The following AKAP3 variants were observed in gnomAD, a reference collection of about 807,000 sequenced individuals.
AKAP3 encodes the protein A-kinase anchor protein 3.
Under a neutral mutation model 57.2 loss-of-function variants are expected in AKAP3, and 27 were observed. The ratio of observed to expected loss-of-function variants is 0.47; its 90% confidence interval spans 0.35 to 0.65. The LOEUF (loss-of-function observed/expected upper bound fraction) is 0.65, where lower values mean the gene tolerates loss of function less well. Among genes scored for constraint, AKAP3 ranks in the 30% least tolerant of loss-of-function variants. The pLI is 0.01. For synonymous variants in AKAP3, 334 were observed against 392.3 expected (o/e 0.85, Z 1.76); for missense variants, 959 against 1,040.0 (o/e 0.92, Z 1.07).
At chr12:4,645,458 C>G (rs577112203) in intron 1 of AKAP3, 49 of 152,154 alleles carry the variant, frequency 3.2e-4, no homozygotes, top group African/African-American at 1.1e-3. Context: ...AGTATGGTTT[C>G]TGGATGATTC....
At chr12:4,626,388 C>G in intron 5 of AKAP3, 108 bp downstream of exon 5, 1 of 1,309,148 alleles carries the variant, frequency 7.6e-7, no homozygotes, top group South Asian at 1.5e-5. Context: ...CCCACTGTTC[C>G]CATTTTACCT....
Position 4,627,082 on chromosome 12 carries a change from A to C in AKAP3, c.1820T>G (p.Phe607Cys). ...GGGTTCAGGGCTCTGGTCACGCTTGAAAATGGTCTCACTAAGTAAGTTCCG... is the reference window on the plus strand; with the variant it reads ...GGGTTCAGGGCTCTGGTCACGCTTGCAAATGGTCTCACTAAGTAAGTTCCG... Reference protein sequence around the residue: ...FIRNLLSETIFKRDQSPEPKV... With the variant: ...FIRNLLSETICKRDQSPEPKV... The change falls in exon 5 of 6, where the codon TTC (phenylalanine) becomes TGC (cysteine). Residue 607 changes from phenylalanine to cysteine, a missense_variant. Transcript: ENST00000228850. 2 of 1,614,140 alleles carry C rather than the reference A, an allele frequency of 1.2e-6. No individual in the cohort carries two copies. Among genetic ancestry groups the C allele is most frequent in the Non-Finnish European group, 1.7e-6 (2 of 1,179,996 alleles).
At chr12:4,635,935 G>A in intron 4 of AKAP3, 1 of 865,230 alleles carries the variant, frequency 1.2e-6, no homozygotes, top group Non-Finnish European at 1.9e-6. Context: ...AACACTAGCA[G>A]TTGGTTTTCT....
chr12:4,631,407 T>G lies in AKAP3; in HGVS notation c.97-2602A>C. On this transcript the variant is annotated intron_variant, in intron 4 of 5. Transcript: ENST00000228850. ...GGTGAGTTTTATGTTTATGGTTTAT[T>G]TTTGCCACAAAGTGGGGCTGAAAGT... 4 of 691,600 alleles carry G rather than the reference T, an allele frequency of 5.8e-6. No individual in the cohort carries two copies. The East Asian group carries it at 1.1e-4, about 19-fold the overall frequency. The allele number at this position is 691,600 out of a possible 1,614,324, so 42.8% of individuals were successfully genotyped here.
chr12:4,636,003 G>A (rs968877654), intron 4 of AKAP3: 32 of 1,475,268 alleles, frequency 2.2e-5, no homozygotes, highest in Non-Finnish European at 2.6e-5. Context: ...TTACCCCAAT[G>A]GTACTCTCTT....
intron 3 of AKAP3, 78 bp from the exon 4 acceptor site, chr12:4,638,274 G>T: frequency 9.7e-7 from 1 of 1,027,290 alleles, no homozygotes; most frequent in Non-Finnish European, 1.5e-6. Flanking sequence ...TGTGGTAAAG[G>T]GCTAAAGCAC....
chr12:4,637,880 A>G (rs61911368), intron 4 of AKAP3, among the ~76,000 whole-genome samples: 3,484 of 152,262 alleles, frequency 0.023, 50 homozygotes, highest in Non-Finnish European at 0.027. Context: ...ATGTACATAC[A>G]TATTTCATTA....
chr12:4,627,828 C>T lies in AKAP3; in HGVS notation c.1074G>A (p.Val358=). 6.2e-7 allele frequency: 1 copy of T among 1,614,158 alleles called. No homozygotes were observed. Among genetic ancestry groups the T allele is most frequent in the Non-Finnish European group, 8.5e-7 (1 of 1,180,034 alleles). Residue 358 remains valine, a synonymous_variant, in exon 5 of 6, where the codon GTG becomes GTA. Coordinates refer to ENST00000228850, the MANE Select transcript of AKAP3 (RefSeq NM_001278309.2). The part of the protein sequence containing the change: ...LMTDTQFVSA[V]KRTVFSHGSQ... ...TTCCATGAGAGAAGACAGTTCTTTT[C>T]ACAGCCGAGACAAACTGTGTGTCAG... is the stretch of plus-strand genomic sequence containing the variant.
chr12:4,633,858 C>A (rs1945531090), intron 4 of AKAP3, among the ~76,000 whole-genome samples: 1 of 151,724 alleles, frequency 6.6e-6, no homozygotes, highest in Non-Finnish European at 1.5e-5. Flanking sequence ...ATGATCAATT[C>A]TTTAAACACC....
chr12:4,637,838 T>C (rs1231753994), intron 4 of AKAP3, among the ~76,000 whole-genome samples: 1 of 152,194 alleles, frequency 6.6e-6, no homozygotes, highest in African/African-American at 2.4e-5. Flanking sequence ...TATATTTATA[T>C]ATACATACAT....
In AKAP3 at chr12:4,641,911, T is replaced by C. The variant is rs1945642196; in HGVS notation, c.-13A>G. On this transcript the variant is annotated 5_prime_UTR_variant, in exon 3 of 6. Coordinates refer to ENST00000228850, the MANE Select transcript of AKAP3 (RefSeq NM_001278309.2). ...TGTGATCACTTACTCTTACAGAGGA[T>C]AGGTTCTGAGATATGAGGAAAGCTC... 2 of 152,218 alleles carry C rather than the reference T, an allele frequency of 1.3e-5. No individual in the cohort carries two copies. Among genetic ancestry groups the C allele is most frequent in the Non-Finnish European group, 2.9e-5 (2 of 68,038 alleles). The allele number at this position is 152,218 out of a possible 1,614,324, so 9.4% of individuals were successfully genotyped here. A position where few individuals can be genotyped will look rare whatever the true frequency, so the allele number is the denominator to read the frequency against.
At position 4,628,131 on chromosome 12, in the gene AKAP3, A is replaced by C; in HGVS notation, c.771T>G (p.Gly257=). The change falls in exon 5 of 6, where the codon GGT becomes GGG. Residue 257 remains glycine (G), a synonymous_variant. Transcript: ENST00000228850. The part of the protein sequence containing the change: ...ESRNGDYARE[G]GRFFPRERKR... The stretch of plus-strand genomic sequence containing the variant: ...TTCTCTCCCGAGGAAAGAACCTTCC[A>C]CCCTCTCTGGCATAATCTCCATTAC... The C allele has an allele frequency of 2.5e-6, 4 of 1,613,970 alleles. No homozygotes were observed. Among genetic ancestry groups the C allele is most frequent in the African/African-American group, 2.7e-5 (2 of 74,970 alleles).
intron 5 of AKAP3, among the ~76,000 whole-genome samples, chr12:4,622,710 T>C (rs1451900216): frequency 6.6e-6 from 1 of 152,156 alleles, no homozygotes; most frequent in Non-Finnish European, 1.5e-5. Context: ...ATTCTGGACA[T>C]AGGAACCGGC....
At chr12:4,647,144 C>T (rs1469364291) in intron 1 of AKAP3, among the ~76,000 whole-genome samples, 2 of 152,092 alleles carry the variant, frequency 1.3e-5, no homozygotes, top group African/African-American at 4.8e-5. Context: ...CTCTAACATT[C>T]TATGATTTTG....
rs1452890899 is a variant in AKAP3 at position 4,633,343 on chromosome 12, A to G, written c.97-4538T>C. 5.9e-5 allele frequency among the ~76,000 whole-genome samples: 9 copies of G among 152,306 alleles called. No homozygotes were observed. The East Asian group carries it at 1.7e-3, about 29-fold the overall frequency. On this transcript the variant is annotated intron_variant, in intron 4 of 5. Coordinates refer to ENST00000228850, the MANE Select transcript of AKAP3 (RefSeq NM_001278309.2). ...CCTACAGCGTAGAATAGAGATTTAC[A>G]ATGGAGTCCACAGAATTGTGTTAAG... is the stretch of plus-strand genomic sequence containing the variant.
At chr12:4,626,097 C>A (rs1945408851) in intron 5 of AKAP3, among the ~76,000 whole-genome samples, 1 of 152,078 alleles carries the variant, frequency 6.6e-6, no homozygotes, top group South Asian at 2.1e-4. Flanking sequence ...GTCATAAATT[C>A]AGACTCTGCC....
chr12:4,633,116 TA>T (rs111238703), intron 4 of AKAP3, among the ~76,000 whole-genome samples: 32,716 of 140,968 alleles, frequency 0.23, 3,643 homozygotes, highest in South Asian at 0.31. Flanking sequence ...CCTTTTCAAT[TA>T]AAAAAAAAAA....
chr12:4,636,289 C>T (rs1945564390), intron 4 of AKAP3: 3 of 384,092 alleles, frequency 7.8e-6, no homozygotes, highest in Admixed American at 7.6e-5. Context: ...TGGGCTGAAG[C>T]CCCAGGCATG....
intron 4 of AKAP3, among the ~76,000 whole-genome samples, chr12:4,634,713 A>G (rs1945542295): frequency 8.1e-6 from 1 of 123,706 alleles, no homozygotes; most frequent in East Asian, 2.4e-4. Flanking sequence ...ATGGGATTGC[A>G]TTTGATTTTT....
Sources: allele counts gnomAD v4.1 joint callset (sites outside exome capture counted in the v4.1 genomes callset), GRCh38; gene constraint gnomAD v4.1.1; transcripts MANE v1.5; gene names NCBI Gene and HGNC (gene_info 2026-07-23, HGNC 2026-07-21).